PCBP3: variants seen among roughly 807,000 people sequenced by gnomAD.
PCBP3 encodes poly(rC)-binding protein 3.
Under a neutral mutation model 52.7 loss-of-function variants are expected in PCBP3, and 25 were observed. The ratio of observed to expected loss-of-function variants is 0.47; its 90% confidence interval spans 0.35 to 0.66. The LOEUF is 0.66. Ranked by LOEUF, PCBP3 falls within the 30% of genes least tolerant of loss-of-function variation. The probability of loss-of-function intolerance (pLI) is 0.01; values close to 1 mark genes in which losing one functional copy is unlikely to be tolerated. For missense variants in PCBP3, 391 were observed against 490.3 expected, an observed-to-expected ratio of 0.80 and a Z score of 1.91; for synonymous variants, 162 against 183.0, an observed-to-expected ratio of 0.89 and a Z score of 0.93.
At chr21:45,663,818 A>G (rs1368140015) in intron 1 of PCBP3, among the ~76,000 whole-genome samples, 3 of 152,050 alleles carry the variant, frequency 2.0e-5, no homozygotes, top group Non-Finnish European at 4.4e-5. Context: ...TGATGCCTCT[A>G]GCCTTGTTCT....
At chr21:45,819,086 C>T (rs1190188328) in intron 4 of PCBP3, among the ~76,000 whole-genome samples, 1 of 152,174 alleles carries the variant, frequency 6.6e-6, no homozygotes, top group Non-Finnish European at 1.5e-5. Flanking sequence ...ATGGTGGATG[C>T]GTGTCATTAC....
chr21:45,918,832 G>A (rs8129608), intron 13 of PCBP3: 3,883 of 38,094 alleles, frequency 0.1, 444 homozygotes, highest in African/African-American at 0.13. Context: ...CCAGTGCTGA[G>A]GGAAGAAGTT....
intron 4 of PCBP3, among the ~76,000 whole-genome samples, chr21:45,815,836 G>A (rs1397965573): frequency 9.7e-5 from 12 of 123,794 alleles, no homozygotes; most frequent in African/African-American, 3.3e-4. Flanking sequence ...TGGTGAGTGA[G>A]TGGTGAGTGA....
At position 45,805,895 on chromosome 21, in the gene PCBP3, G is replaced by C. The variant is rs566573212; in HGVS notation, c.-125-44066G>C. ...AGGAAAGGAGGGCGAGAGCAGAGCT[G>C]GGGGGGCGGGCCATGAGGGGAAGTC... On this transcript the variant is annotated intron_variant, in intron 4 of 17. Transcript: ENST00000681687. The surrounding 1 kb of genome is among the most constrained non-coding windows in gnomAD (Gnocchi z 4.6). 2.6e-5 allele frequency among the ~76,000 whole-genome samples: 4 copies of C among 152,012 alleles called. No individual in the cohort carries two copies. The highest frequency in any genetic ancestry group is 4.8e-5 in the African/African-American group (2 of 41,346).
chr21:45,909,762 ACCCCCC>A (rs1361072868), intron 10 of PCBP3, among the ~76,000 whole-genome samples: 1 of 45,222 alleles, frequency 2.2e-5, no homozygotes, highest in Non-Finnish European at 4.1e-5. Context: ...CCAGATACGG[ACCCCCC>A]CCACCCACTG....
rs903981113 is a variant in PCBP3, at chr21:45,904,603, A to G, written c.339+3490A>G. On this transcript the variant is annotated intron_variant, in intron 9 of 17. Coordinates refer to ENST00000681687, the MANE Select transcript of PCBP3 (RefSeq NM_001384156.1). This position sits in a 1 kb window ranked among gnomAD's most constrained non-coding sequence, Gnocchi z 4.8. ...TCAATCACTTCATGTAAAAGTTGGT[A>G]TGCTTCAGGTTGGAAATGCAAAATC... Among the ~76,000 whole-genome samples the G allele has an allele frequency of 1.3e-5, 2 of 152,220 alleles. No individual in the cohort carries two copies. The highest frequency in any genetic ancestry group is 4.8e-5 in the African/African-American group (2 of 41,440).
At chr21:45,819,275 C>T (rs1447124276) in intron 4 of PCBP3, among the ~76,000 whole-genome samples, 2 of 152,180 alleles carry the variant, frequency 1.3e-5, no homozygotes. Flanking sequence ...GTGTTTTGTG[C>T]TCAGTTTGCT....
intron 2 of PCBP3, among the ~76,000 whole-genome samples, chr21:45,669,192 C>G (rs1299405385): frequency 3.9e-5 from 6 of 152,074 alleles, no homozygotes; most frequent in Non-Finnish European, 2.9e-5. Flanking sequence ...CTCATGCTCT[C>G]TCTTATATTT....
At chr21:45,677,666 G>A (rs901839865) in intron 2 of PCBP3, among the ~76,000 whole-genome samples, 11 of 152,146 alleles carry the variant, frequency 7.2e-5, no homozygotes, top group African/African-American at 2.4e-4. Context: ...AGGACAGGCC[G>A]ACTCTTTTGT....
At chr21:45,808,052 T>C (rs2092565464) in intron 4 of PCBP3, among the ~76,000 whole-genome samples, 1 of 152,178 alleles carries the variant, frequency 6.6e-6, no homozygotes, top group African/African-American at 2.4e-5. Context: ...TAACTCAAGA[T>C]GGATTAAAGA....
intron 4 of PCBP3, among the ~76,000 whole-genome samples, chr21:45,786,138 A>AAATG (rs981868689): frequency 3.3e-5 from 5 of 149,368 alleles, no homozygotes; most frequent in African/African-American, 9.9e-5. Context: ...ATAAAAAAAT[A>AAATG]AATAAATAAA....
At chr21:45,894,441 GCA>G (rs2095768218) in intron 5 of PCBP3, among the ~76,000 whole-genome samples, 1 of 152,120 alleles carries the variant, frequency 6.6e-6, no homozygotes, top group African/African-American at 2.4e-5. Flanking sequence ...GGGTCCGTCG[GCA>G]CCCACAGGTG....
Position 45,791,366 on chromosome 21 carries a change from G to A in PCBP3, c.-126+35914G>A, listed in dbSNP as rs551296234. The stretch of plus-strand genomic sequence containing the variant: ...GGTGTGTGTGGCCTGCCTGTGGTCT[G>A]GTCTGGTGTACACTGAGTCGTTTGT... On this transcript the variant is annotated intron_variant, in intron 4 of 17. Transcript: ENST00000681687. This position sits in a 1 kb window ranked among gnomAD's most constrained non-coding sequence, Gnocchi z 4.2. Among the ~76,000 whole-genome samples, 34 of 152,336 alleles carry A rather than the reference G, an allele frequency of 2.2e-4. No individual in the cohort carries two copies. Among genetic ancestry groups the A allele is most frequent in the Non-Finnish European group, 4.6e-4 (31 of 68,040 alleles).
intron 16 of PCBP3, among the ~76,000 whole-genome samples, chr21:45,936,550 C>G (rs556076958): frequency 1.3e-5 from 2 of 152,348 alleles, no homozygotes; most frequent in East Asian, 3.9e-4. Flanking sequence ...CAACTGGTCC[C>G]TGCATTCTTG....
intron 4 of PCBP3, among the ~76,000 whole-genome samples, chr21:45,799,431 T>C (rs2092195976): frequency 1.4e-5 from 2 of 147,304 alleles, no homozygotes; most frequent in Non-Finnish European, 3.0e-5. Context: ...AAAATTGTTC[T>C]GTTTTATTAT....
chr21:45,822,717 C>T (rs1056905534), intron 4 of PCBP3, among the ~76,000 whole-genome samples: 17 of 145,860 alleles, frequency 1.2e-4, no homozygotes, highest in Non-Finnish European at 1.5e-5. Flanking sequence ...GGGTTAGGTG[C>T]ACGAGGGGCA....
Position 45,853,205 on chromosome 21 carries a change from T to G in PCBP3, c.10+3110T>G, listed in dbSNP as rs1229531217. On this transcript the variant is annotated intron_variant, in intron 5 of 17. Transcript: ENST00000681687. The surrounding 1 kb of genome is among the most constrained non-coding windows in gnomAD (Gnocchi z 4.6). The stretch of plus-strand genomic sequence containing the variant: ...ATCTCCACGGGTTCATGGAGACAGA[T>G]GCACACAGCATCTCCTTGTTGTGCT... Among the ~76,000 whole-genome samples the G allele has an allele frequency of 6.6e-6, 1 of 152,152 alleles. No individual in the cohort carries two copies. Among genetic ancestry groups the G allele is most frequent in the East Asian group, 1.9e-4 (1 of 5,192 alleles).
At chr21:45,669,844 T>TACAC (rs2081064986) in intron 2 of PCBP3, among the ~76,000 whole-genome samples, 3 of 142,270 alleles carry the variant, frequency 2.1e-5, no homozygotes, top group Non-Finnish European at 4.6e-5. Context: ...TATATATATA[T>TACAC]ATCACATTTT....
At chr21:45,703,981 A>G (rs1362068515) in intron 2 of PCBP3, among the ~76,000 whole-genome samples, 13 of 152,274 alleles carry the variant, frequency 8.5e-5, no homozygotes, top group Admixed American at 5.9e-4. Flanking sequence ...GAGGACCAGG[A>G]CATGGAGATG....
Sources: gnomAD v4.1 joint callset for allele counts (sites outside exome capture counted in the v4.1 genomes callset) on GRCh38, gnomAD v4.1.1 for gene constraint, Gnocchi (gnomAD v3.1) non-coding constraint, MANE v1.5 for transcripts, NCBI Gene and HGNC (gene_info 2026-07-23, HGNC 2026-07-21) for gene names.